The following GRIK2 variants were observed in gnomAD, a reference collection of about 807,000 sequenced individuals.
GRIK2 encodes the protein glutamate receptor ionotropic, kainate 2.
In GRIK2, 32 loss-of-function variants were observed where a neutral mutation model predicts 100.3. The ratio of observed to expected loss-of-function variants is 0.32; its 90% CI spans 0.24 to 0.43. GRIK2 has a LOEUF of 0.43. GRIK2 is among the 20% of genes least tolerant of loss of function. The probability of loss-of-function intolerance (pLI) is 1.00; values close to 1 mark genes in which losing one functional copy is unlikely to be tolerated. For missense variants in GRIK2, 843 were observed against 1,114.9 expected (o/e 0.76, Z 3.47); for synonymous variants, 417 against 389.4 (o/e 1.07, Z -0.83).
chr6:101,911,356 A>G (rs1349483152), intron 12 of GRIK2, among the ~76,000 whole-genome samples: 2 of 151,580 alleles, frequency 1.3e-5, no homozygotes, highest in South Asian at 2.1e-4. Context: ...CATTTCATCA[A>G]TAGATTCTTG....
At chr6:101,607,831 T>C (rs1779501963) in intron 2 of GRIK2, among the ~76,000 whole-genome samples, 1 of 151,734 alleles carries the variant, frequency 6.6e-6, no homozygotes, top group African/African-American at 2.4e-5. Flanking sequence ...CATCATTCTT[T>C]TCCCAAAATG....
chr6:101,862,190 A>G (rs1008625130), intron 11 of GRIK2, among the ~76,000 whole-genome samples: 9 of 152,104 alleles, frequency 5.9e-5, no homozygotes, highest in African/African-American at 1.9e-4. Flanking sequence ...AAACAAGAAC[A>G]CTTGTTCTCC....
At chr6:101,896,379 G>T (rs532921856) in intron 12 of GRIK2, among the ~76,000 whole-genome samples, 10 of 151,712 alleles carry the variant, frequency 6.6e-5, no homozygotes, top group Non-Finnish European at 1.2e-4. Context: ...ACATTTACAG[G>T]TGTAAAAGAT....
At chr6:101,713,640 T>A (rs1398206465) in intron 7 of GRIK2, among the ~76,000 whole-genome samples, 1 of 151,826 alleles carries the variant, frequency 6.6e-6, no homozygotes, top group Non-Finnish European at 1.5e-5. Flanking sequence ...TAAGTCTGCA[T>A]GACAAACAAC....
At chr6:101,517,981 C>T (rs557473030) in intron 2 of GRIK2, among the ~76,000 whole-genome samples, 7 of 142,972 alleles carry the variant, frequency 4.9e-5, no homozygotes, top group African/African-American at 1.5e-4. Flanking sequence ...GTCTGTTAAC[C>T]ACCATACCAT....
intron 12 of GRIK2, among the ~76,000 whole-genome samples, chr6:101,909,751 T>A (rs1788537730): frequency 6.6e-6 from 1 of 151,122 alleles, no homozygotes; most frequent in South Asian, 2.1e-4. Context: ...TATACACACA[T>A]ACAGATATAT....
chr6:101,836,949 C>A (rs376960454), intron 10 of GRIK2, among the ~76,000 whole-genome samples: 6 of 151,980 alleles, frequency 3.9e-5, no homozygotes, highest in Non-Finnish European at 8.8e-5. Flanking sequence ...CAGGTGTGAG[C>A]CACCATGCCT....
chr6:101,642,949 G>GT (rs1781351711), intron 4 of GRIK2, among the ~76,000 whole-genome samples: 1 of 151,600 alleles, frequency 6.6e-6, no homozygotes, highest in South Asian at 2.1e-4. Context: ...TCTAACTGTG[G>GT]TTTTGATTTG....
chr6:101,787,574 G>C (rs1440810820), intron 7 of GRIK2, among the ~76,000 whole-genome samples: 2 of 152,088 alleles, frequency 1.3e-5, no homozygotes, highest in African/African-American at 4.8e-5. Flanking sequence ...TCATTCAAGA[G>C]TATGCTGTTT....
At chr6:101,626,129 T>C (rs1245685539) in intron 3 of GRIK2, among the ~76,000 whole-genome samples, 2 of 152,158 alleles carry the variant, frequency 1.3e-5, no homozygotes, top group Non-Finnish European at 2.9e-5. Flanking sequence ...TCCTTGCCTG[T>C]CTCCCTCCCC....
At position 101,792,791 on chromosome 6, in the gene GRIK2, C is replaced by A. The variant is rs1028119030; in HGVS notation, c.952-6857C>A. Among the ~76,000 whole-genome samples, 34 of 152,128 alleles carry A rather than the reference C, an allele frequency of 2.2e-4. 1 individual carries two copies. Among genetic ancestry groups the A allele is most frequent in the East Asian group, 7.7e-4 (4 of 5,168 alleles). On this transcript the variant is annotated intron_variant, in intron 7 of 16. Transcript: ENST00000369134. ...TTGGGGAAGTTCTCCTGGATAATATCCTGCAGAGTTTTTTCCAACTTGGTT... is the reference window on the plus strand; with the variant it reads ...TTGGGGAAGTTCTCCTGGATAATATACTGCAGAGTTTTTTCCAACTTGGTT...
chr6:101,435,779 G>C (rs1056052180), intron 2 of GRIK2, among the ~76,000 whole-genome samples: 1 of 152,020 alleles, frequency 6.6e-6, no homozygotes, highest in African/African-American at 2.4e-5. Flanking sequence ...CTTGGACTCA[G>C]AATCTTAGAT....
At chr6:101,492,127 A>C (rs537338984) in intron 2 of GRIK2, among the ~76,000 whole-genome samples, 1 of 151,976 alleles carries the variant, frequency 6.6e-6, no homozygotes, top group East Asian at 1.9e-4. Flanking sequence ...TGGCATTATC[A>C]AGTTTCTATT....
chr6:101,726,429 T>G (rs1774871476), intron 7 of GRIK2, among the ~76,000 whole-genome samples: 1 of 152,056 alleles, frequency 6.6e-6, no homozygotes, highest in African/African-American at 2.4e-5. Context: ...CATGAATTGC[T>G]TCTAGTTCTG....
chr6:102,000,188 A>G (rs1794861477), intron 14 of GRIK2, among the ~76,000 whole-genome samples: 1 of 151,110 alleles, frequency 6.6e-6, no homozygotes, highest in South Asian at 2.1e-4. Flanking sequence ...ATTTTCTGGA[A>G]TAGTTTATTT....
intron 7 of GRIK2, among the ~76,000 whole-genome samples, chr6:101,687,413 C>G (rs1435924589): frequency 6.6e-6 from 1 of 151,852 alleles, no homozygotes. Context: ...GAGTATTAGT[C>G]TAAATGGAGA....
intron 4 of GRIK2, among the ~76,000 whole-genome samples, chr6:101,658,864 G>C (rs1341442155): frequency 6.6e-6 from 1 of 151,966 alleles, no homozygotes; most frequent in Non-Finnish European, 1.5e-5. Context: ...CCCATTTTTT[G>C]ATGAGGTTGT....
intron 9 of GRIK2, among the ~76,000 whole-genome samples, chr6:101,808,959 T>A (rs1451022469): frequency 6.6e-6 from 1 of 151,546 alleles, no homozygotes; most frequent in Non-Finnish European, 1.5e-5. Context: ...AATATATGTT[T>A]GTCAATTTCT....
intron 7 of GRIK2, among the ~76,000 whole-genome samples, chr6:101,729,646 G>T (rs1408571456): frequency 2.0e-5 from 3 of 151,640 alleles, no homozygotes; most frequent in Admixed American, 1.3e-4. Flanking sequence ...GTCATATCCT[G>T]AACGCTTTAG....
Sources: allele counts gnomAD v4.1 joint callset (sites outside exome capture counted in the v4.1 genomes callset), GRCh38; gene constraint gnomAD v4.1.1; transcripts MANE v1.5; gene names NCBI Gene and HGNC (gene_info 2026-07-23, HGNC 2026-07-21).